ZFPM2: variants seen among roughly 807,000 people sequenced by gnomAD.
ZFPM2 encodes zinc finger protein, FOG family member 2.
In ZFPM2, 20 loss-of-function variants were observed where a neutral mutation model predicts 98.6. That is an observed-to-expected ratio of 0.20 (90% confidence interval 0.14 to 0.29). The LOEUF is 0.29. Ranked by LOEUF, ZFPM2 falls within the 10% of genes least tolerant of loss-of-function variation. ZFPM2 has a pLI of 1.00. For missense variants in ZFPM2, 1,310 were observed against 1,388.6 expected, an observed-to-expected ratio of 0.94 and a Z score of 0.90; for synonymous variants, 518 against 502.7, an observed-to-expected ratio of 1.03 and a Z score of -0.41.
At chr8:105,428,369 G>A (rs1811955304) in intron 2 of ZFPM2, among the ~76,000 whole-genome samples, 1 of 152,198 alleles carries the variant, frequency 6.6e-6, no homozygotes, top group South Asian at 2.1e-4. Flanking sequence ...AAGACTGTCA[G>A]TATAAACCAT....
At chr8:105,584,780 C>G (rs1266559234) in intron 4 of ZFPM2, among the ~76,000 whole-genome samples, 2 of 152,142 alleles carry the variant, frequency 1.3e-5, no homozygotes, top group Non-Finnish European at 2.9e-5. Flanking sequence ...AGGTATCTGA[C>G]AGTGGTCTGT....
intron 1 of ZFPM2, among the ~76,000 whole-genome samples, chr8:105,378,696 G>T (rs1810780758): frequency 6.6e-6 from 1 of 152,096 alleles, no homozygotes; most frequent in Non-Finnish European, 1.5e-5. Flanking sequence ...AAAAACTGTT[G>T]GGGAGGTTTT....
chr8:105,624,711 A>C (rs916042553), intron 4 of ZFPM2, among the ~76,000 whole-genome samples: 6 of 152,166 alleles, frequency 3.9e-5, no homozygotes, highest in African/African-American at 1.4e-4. Context: ...CTCTTCTAAC[A>C]GGATCATTAC....
rs1421621299 is a variant in ZFPM2 at position 105,337,235 on chromosome 8, C to G, written c.40+18254C>G. ...TGGCAGGGACACCATGTTAGCAAGT[C>G]AGAGACTGGGGGTGGGGCAAGACAA... On this transcript the variant is annotated intron_variant, in intron 1 of 7. Coordinates refer to ENST00000407775, the MANE Select transcript of ZFPM2 (RefSeq NM_012082.4). 3.3e-5 allele frequency among the ~76,000 whole-genome samples: 5 copies of G among 151,880 alleles called. No individual in the cohort carries two copies. In the East Asian group the frequency reaches 9.7e-4, roughly 29 times the overall value.
intron 5 of ZFPM2, chr8:105,663,027 G>T (rs1021317617): frequency 1.3e-5 from 2 of 152,182 alleles, no homozygotes; most frequent in African/African-American, 4.8e-5. Flanking sequence ...ATTGTTGCCT[G>T]TCAAGGTTGT....
intron 1 of ZFPM2, among the ~76,000 whole-genome samples, chr8:105,355,892 T>C (rs1443056905): frequency 6.6e-6 from 1 of 152,224 alleles, no homozygotes; most frequent in African/African-American, 2.4e-5. Context: ...AACATGTAGA[T>C]GTCATCAGAT....
intron 3 of ZFPM2, among the ~76,000 whole-genome samples, chr8:105,522,245 T>C (rs1260730936): frequency 1.3e-5 from 2 of 152,182 alleles, no homozygotes; most frequent in Non-Finnish European, 1.5e-5. Flanking sequence ...TTCAAAAATA[T>C]ATGTTTTGGA....
At chr8:105,693,751 T>A (rs1810946243) in intron 5 of ZFPM2, among the ~76,000 whole-genome samples, 1 of 152,104 alleles carries the variant, frequency 6.6e-6, no homozygotes, top group South Asian at 2.1e-4. Flanking sequence ...ATCCAATTTT[T>A]AAAATTTTAG....
chr8:105,581,085 C>G (rs1222154514), intron 4 of ZFPM2, among the ~76,000 whole-genome samples: 1 of 151,848 alleles, frequency 6.6e-6, no homozygotes, highest in Non-Finnish European at 1.5e-5. Context: ...ATCAATGTAA[C>G]AAGCATAAAA....
intron 1 of ZFPM2, among the ~76,000 whole-genome samples, chr8:105,368,591 T>A (rs1810555593): frequency 6.6e-6 from 1 of 152,194 alleles, no homozygotes; most frequent in Admixed American, 6.5e-5. Flanking sequence ...TATTCCTGAT[T>A]TATTTCATTA....
At chr8:105,781,012 T>C (rs1425218238) in intron 5 of ZFPM2, among the ~76,000 whole-genome samples, 1 of 152,242 alleles carries the variant, frequency 6.6e-6, no homozygotes. Flanking sequence ...AGCTTAACTC[T>C]TTCTACACTA....
intron 5 of ZFPM2, among the ~76,000 whole-genome samples, chr8:105,724,213 A>C (rs1811746106): frequency 6.6e-6 from 1 of 151,906 alleles, no homozygotes; most frequent in Non-Finnish European, 1.5e-5. Flanking sequence ...AAAAAGTGCA[A>C]GATTTCTATG....
chr8:105,501,991 A>C (rs980430442), intron 3 of ZFPM2, among the ~76,000 whole-genome samples: 2 of 152,130 alleles, frequency 1.3e-5, no homozygotes. Flanking sequence ...ATTATACATC[A>C]AAGTTTACTG....
chr8:105,521,689 T>G (rs1814065359), intron 3 of ZFPM2, among the ~76,000 whole-genome samples: 1 of 152,144 alleles, frequency 6.6e-6, no homozygotes, highest in Non-Finnish European at 1.5e-5. Flanking sequence ...GCGATTCTCC[T>G]GCCTCAGCCT....
chr8:105,718,488 T>C (rs2130990755), intron 5 of ZFPM2, among the ~76,000 whole-genome samples: 1 of 152,116 alleles, frequency 6.6e-6, no homozygotes, highest in East Asian at 1.9e-4. Context: ...TATTGCAAGA[T>C]ATCACTGTTA....
At position 105,620,649 on chromosome 8, in the gene ZFPM2, T is replaced by C. The variant is rs547391971; in HGVS notation, c.421-13597T>C. Among the ~76,000 whole-genome samples the C allele has an allele frequency of 7.9e-5, 12 of 152,136 alleles. No individual in the cohort carries two copies. In the South Asian group the frequency reaches 2.3e-3, roughly 29 times the overall value. ...GGTATTGCCTAGGTTTTCTTCTAGG[T>C]TTTTTATGGTTTTAGGTCTAACATT... is the stretch of plus-strand genomic sequence containing the variant. On this transcript the variant is annotated intron_variant, in intron 4 of 7. Coordinates refer to ENST00000407775, the MANE Select transcript of ZFPM2 (RefSeq NM_012082.4).
chr8:105,329,508 A>C (rs2130664446), intron 1 of ZFPM2, among the ~76,000 whole-genome samples: 1 of 151,942 alleles, frequency 6.6e-6, no homozygotes, highest in East Asian at 1.9e-4. Context: ...ATTTCATATT[A>C]TACTTTGCAA....
intron 6 of ZFPM2, among the ~76,000 whole-genome samples, chr8:105,795,351 TCACACA>T (rs34036735): frequency 2.7e-5 from 4 of 145,536 alleles, no homozygotes; most frequent in Non-Finnish European, 4.5e-5. Context: ...TTCCTGAATG[TCACACA>T]CACACACACA....
chr8:105,778,490 G>A (rs549438520), intron 5 of ZFPM2, among the ~76,000 whole-genome samples: 5 of 123,112 alleles, frequency 4.1e-5, no homozygotes, highest in Non-Finnish European at 6.0e-5. Context: ...GAGTGCATGC[G>A]TGTGTGTGTG....
Sources: allele counts gnomAD v4.1 joint callset (sites outside exome capture counted in the v4.1 genomes callset), GRCh38; gene constraint gnomAD v4.1.1; transcripts MANE v1.5; gene names NCBI Gene and HGNC (gene_info 2026-07-23, HGNC 2026-07-21).